The following TK2 variants were observed in gnomAD, a reference collection of about 807,000 sequenced individuals.
TK2 encodes thymidine kinase 2.
A neutral mutation model predicts 41.9 loss-of-function variants in TK2; 35 were observed. The ratio of observed to expected loss-of-function variants is 0.84; its 90% confidence interval spans 0.64 to 1.11. TK2 has a LOEUF of 1.11. Ranked by LOEUF, TK2 falls within the 50% of genes least tolerant of loss-of-function variation. The probability of loss-of-function intolerance (pLI) is 0.00; values close to 1 mark genes in which losing one functional copy is unlikely to be tolerated. For synonymous variants in TK2, 128 were observed against 129.1 expected (o/e 0.99, Z 0.06); for missense variants, 320 against 351.1 (o/e 0.91, Z 0.71).
Position 66,511,487 on chromosome 16 carries a change from C to T in TK2, c.*481G>A, listed in dbSNP as rs769846432. On this transcript the variant is annotated 3_prime_UTR_variant, in exon 10 of 10. Transcript: ENST00000544898. Reference sequence around the variant, plus strand: ...CCAGGGCAAGGGAAAGTTGCTGAGTCGGCTGAAAGTCTGAATGGTGCCAGC... The same window carrying T: ...CCAGGGCAAGGGAAAGTTGCTGAGTTGGCTGAAAGTCTGAATGGTGCCAGC... The T allele has an allele frequency of 2.5e-5, 6 of 239,772 alleles. No individual in the cohort carries two copies. The highest frequency in any genetic ancestry group is 6.8e-5 in the African/African-American group (3 of 43,978). The allele number at this position is 239,772 out of a possible 1,614,324, so 14.9% of individuals were successfully genotyped here.
Position 66,517,360 on chromosome 16 carries a change from C to A in TK2, c.539-145G>T. 1.3e-6 allele frequency: 1 copy of A among 775,838 alleles called. No individual in the cohort carries two copies. Among genetic ancestry groups the A allele is most frequent in the South Asian group, 1.4e-5 (1 of 73,278 alleles). 48.1% of individuals were successfully genotyped at this position (775,838 alleles called of 1,614,324 possible). A position where few individuals can be genotyped will look rare whatever the true frequency, so the allele number is the denominator to read the frequency against. ...GCTCTTGGCTTGACCACTGACCCTC[C>A]GCCTCGACTTTCATTCTCTTTCAGT... On this transcript the variant is annotated intron_variant, in intron 7 of 9. Coordinates refer to ENST00000544898, the MANE Select transcript of TK2 (RefSeq NM_004614.5). The surrounding 1 kb of genome is among the most constrained non-coding windows in gnomAD (Gnocchi z 4.3).
At chr16:66,525,744 C>T (rs1451265201) in intron 6 of TK2, among the ~76,000 whole-genome samples, 1 of 152,058 alleles carries the variant, frequency 6.6e-6, no homozygotes, top group African/African-American at 2.4e-5. Flanking sequence ...GGAATCTGAG[C>T]CCCCCGAAAG....
intron 8 of TK2, among the ~76,000 whole-genome samples, chr16:66,515,284 C>A (rs1964579204): frequency 1.3e-5 from 2 of 152,212 alleles, no homozygotes; most frequent in African/African-American, 4.8e-5. Flanking sequence ...AGCCTCTAAA[C>A]CCTCCGCTCT....
chr16:66,517,179 C>A lies in TK2; in HGVS notation c.575G>T (p.Arg192Met). ...LRTNPETCYQ[R>M]LKKRCREEEK... is the part of the protein sequence containing the mutation. ...CTCTTCCCTGCATCTCTTCTTTAAC[C>A]TCTGGTAACAAGTCTCAGGATTGGT... The change falls in exon 8 of 10, where the codon AGG (arginine) becomes ATG (methionine). Residue 192 changes from arginine to methionine, a missense_variant. By Grantham distance (91) the Arg-to-Met change is moderately conservative (BLOSUM62 -1). Coordinates refer to ENST00000544898, the MANE Select transcript of TK2 (RefSeq NM_004614.5). The surrounding 1 kb of genome is among the most constrained non-coding windows in gnomAD (Gnocchi z 4.3). The A allele has an allele frequency of 6.2e-7, 1 of 1,614,162 alleles. No individual in the cohort carries two copies. The highest frequency in any genetic ancestry group is 8.5e-7 in the Non-Finnish European group (1 of 1,180,018).
chr16:66,541,758 A>C, intron 3 of TK2, 121 bp downstream of exon 3: 1 of 989,970 alleles, frequency 1.0e-6, no homozygotes. Flanking sequence ...GTTAAATTAC[A>C]CCTGTGGCTT....
chr16:66,539,329 T>C (rs963836828), intron 3 of TK2, among the ~76,000 whole-genome samples: 3 of 151,936 alleles, frequency 2.0e-5, no homozygotes, highest in Non-Finnish European at 4.4e-5. Flanking sequence ...CCGGGCACGG[T>C]GGCTCACGCC....
rs1964363185 is a variant in TK2, at chr16:66,508,733, C to T, written c.*3235G>A. 6.6e-6 allele frequency: 1 copy of T among 152,196 alleles called. No individual in the cohort carries two copies. The highest frequency in any genetic ancestry group is 2.4e-5 in the African/African-American group (1 of 41,422). 9.4% of individuals were successfully genotyped at this position (152,196 alleles called of 1,614,324 possible). ...GAAGATTGTTCTGACTGATATATTC[C>T]CCAGGCGGGGGGACACTTCTCATCT... is the stretch of plus-strand genomic sequence containing the variant. On this transcript the variant is annotated 3_prime_UTR_variant, in exon 10 of 10. Coordinates refer to ENST00000544898, the MANE Select transcript of TK2 (RefSeq NM_004614.5).
At chr16:66,513,590 C>G (rs1964514510) in intron 9 of TK2, 141 bp downstream of exon 9, 1 of 785,454 alleles carries the variant, frequency 1.3e-6, no homozygotes, top group East Asian at 2.7e-5. Flanking sequence ...GGAGAGAGAG[C>G]ACCAGCCTTC....
At chr16:66,531,296 G>T in intron 5 of TK2, 84 bp downstream of exon 5, 2 of 1,379,898 alleles carry the variant, frequency 1.4e-6, no homozygotes, top group South Asian at 1.2e-5. Context: ...TGGCTTCCTT[G>T]TAAAGTTTCC....
At chr16:66,531,699 G>A (rs570872888) in intron 4 of TK2, among the ~76,000 whole-genome samples, 4 of 152,256 alleles carry the variant, frequency 2.6e-5, no homozygotes, top group East Asian at 1.9e-4. Flanking sequence ...GAAAGTCTCC[G>A]AGGGACCGGA....
rs183398329 is a variant in TK2, at chr16:66,531,500, C to A, written c.286-31G>T. 2,870 of 1,606,818 alleles carry A rather than the reference C, an allele frequency of 1.8e-3. 6 individuals carry two copies. Among genetic ancestry groups the A allele is most frequent in the East Asian group, 7.1e-3 (318 of 44,830 alleles). Reference sequence around the variant, plus strand: ...GAAGGGAAAACACAGCACTTTCCATCAAAGTGGCATCTGCAGGAGGACCCT... The same window carrying A: ...GAAGGGAAAACACAGCACTTTCCATAAAAGTGGCATCTGCAGGAGGACCCT... On this transcript the variant is annotated intron_variant, in intron 4 of 9. Coordinates refer to ENST00000544898, the MANE Select transcript of TK2 (RefSeq NM_004614.5).
chr16:66,527,640 C>T (rs992015200), intron 6 of TK2, among the ~76,000 whole-genome samples: 2 of 152,192 alleles, frequency 1.3e-5, no homozygotes, highest in South Asian at 4.1e-4. Context: ...AGTTGAACCA[C>T]ACAAAACTGC....
intron 6 of TK2, among the ~76,000 whole-genome samples, chr16:66,518,960 A>T (rs569022185): frequency 5.3e-4 from 77 of 146,322 alleles, no homozygotes; most frequent in African/African-American, 1.5e-3. Context: ...GTTTTTATTT[A>T]TTTTTTTTTT....
At chr16:66,523,336 G>A (rs1396874558) in intron 6 of TK2, among the ~76,000 whole-genome samples, 3 of 152,160 alleles carry the variant, frequency 2.0e-5, no homozygotes, top group Admixed American at 6.5e-5. Context: ...GAGGAAACAC[G>A]AGCTCCCAGG....
At position 66,511,905 on chromosome 16, in the gene TK2, T is replaced by A. The variant is rs1040627349; in HGVS notation, c.*63A>T. ...CTGGGAGCAAGTTTTTCCAGATTGC[T>A]CCCAATAGCTAACTTGGCAGCAGCA... is the stretch of plus-strand genomic sequence containing the variant. On this transcript the variant is annotated 3_prime_UTR_variant, in exon 10 of 10. Coordinates refer to ENST00000544898, the MANE Select transcript of TK2 (RefSeq NM_004614.5). 3.7e-5 allele frequency: 55 copies of A among 1,497,016 alleles called. 1 individual carries two copies. The Admixed American group carries it at 8.9e-4, about 24-fold the overall frequency. 92.7% of individuals were successfully genotyped at this position (1,497,016 alleles called of 1,614,324 possible).
intron 1 of TK2, chr16:66,549,357 C>T (rs1965709973): frequency 8.8e-7 from 1 of 1,137,090 alleles, no homozygotes; most frequent in Non-Finnish European, 1.1e-6. Context: ...GAAGAGTGGG[C>T]GGCGGACGTG....
intron 3 of TK2, among the ~76,000 whole-genome samples, chr16:66,539,634 AG>A (rs1965397621): frequency 6.6e-6 from 1 of 151,666 alleles, no homozygotes; most frequent in Admixed American, 6.6e-5. Flanking sequence ...AGGAAGAAAA[AG>A]AAAAAAGGAT....
chr16:66,548,349 C>T (rs1393305826), intron 2 of TK2, among the ~76,000 whole-genome samples: 14 of 152,184 alleles, frequency 9.2e-5, no homozygotes, highest in Admixed American at 9.2e-4. Context: ...GCCACTGGAG[C>T]TAGGGACTTT....
intron 4 of TK2, among the ~76,000 whole-genome samples, chr16:66,531,682 G>A (rs763502238): frequency 6.6e-6 from 1 of 152,132 alleles, no homozygotes; most frequent in Non-Finnish European, 1.5e-5. Flanking sequence ...TATAATAGGA[G>A]CCTATGGAAA....
Sources: gnomAD v4.1 joint callset for allele counts (sites outside exome capture counted in the v4.1 genomes callset) on GRCh38, gnomAD v4.1.1 for gene constraint, Gnocchi (gnomAD v3.1) non-coding constraint, MANE v1.5 for transcripts, NCBI Gene and HGNC (gene_info 2026-07-23, HGNC 2026-07-21) for gene names.